Variants in OSBPL10 observed in about 807,000 individuals in gnomAD.
OSBPL10 encodes the protein oxysterol-binding protein-related protein 10.
A neutral mutation model predicts 81.7 loss-of-function variants in OSBPL10; 49 were observed. The ratio of observed to expected loss-of-function variants is 0.60; its 90% CI spans 0.48 to 0.76. The LOEUF (loss-of-function observed/expected upper bound fraction) is 0.76. Among genes scored for constraint, OSBPL10 ranks in the 30% least tolerant of loss-of-function variants. The pLI, the probability that OSBPL10 is intolerant of heterozygous loss-of-function variation, is 0.00. For synonymous variants in OSBPL10, 419 were observed against 383.6 expected (o/e 1.09, Z -1.08); for missense variants, 923 against 987.8 (o/e 0.93, Z 0.88).
In OSBPL10 at chr3:31,910,316, G is replaced by A. The variant is rs150284963; in HGVS notation, c.282-30486C>T. 2.3e-3 allele frequency among the ~76,000 whole-genome samples: 343 copies of A among 152,114 alleles called. 2 individuals carry two copies. The highest frequency in any genetic ancestry group is 7.8e-3 in the African/African-American group (326 of 41,542). On this transcript the variant is annotated intron_variant, in intron 1 of 11. Coordinates refer to ENST00000396556, the MANE Select transcript of OSBPL10 (RefSeq NM_017784.5). Reference sequence around the variant, plus strand: ...TTAAACAGGAGGGACATGGGGTTCAGTAAAGGACAACCTATTGGCAGAATT... The same window carrying A: ...TTAAACAGGAGGGACATGGGGTTCAATAAAGGACAACCTATTGGCAGAATT...
chr3:31,855,836 G>T (rs1222786110), intron 3 of OSBPL10, among the ~76,000 whole-genome samples: 1 of 152,002 alleles, frequency 6.6e-6, no homozygotes, highest in Non-Finnish European at 1.5e-5. Flanking sequence ...ACTAAGAGCT[G>T]TCTACCCTCA....
At chr3:31,795,012 C>T in intron 4 of OSBPL10, 1 of 250,360 alleles carries the variant, frequency 4.0e-6, no homozygotes, top group South Asian at 6.4e-5. Flanking sequence ...ACTTCTTGCC[C>T]AGCTTGGGAT....
intron 2 of OSBPL10, among the ~76,000 whole-genome samples, chr3:32,015,639 A>C (rs1196710755): frequency 1.3e-5 from 2 of 152,340 alleles, no homozygotes; most frequent in East Asian, 3.9e-4. Context: ...ACAGCAAAAG[A>C]AACTACCATC....
chr3:31,963,495 T>C (rs1698227009), intron 1 of OSBPL10, among the ~76,000 whole-genome samples: 2 of 152,162 alleles, frequency 1.3e-5, no homozygotes, highest in African/African-American at 2.4e-5. Context: ...GCAGGAGTGA[T>C]GCACAGATTC....
intron 7 of OSBPL10, among the ~76,000 whole-genome samples, chr3:31,686,145 G>T (rs1218694670): frequency 6.6e-6 from 1 of 152,144 alleles, no homozygotes; most frequent in East Asian, 1.9e-4. Context: ...CCCAGCACAT[G>T]GCCCTCACCA....
chr3:32,057,720 T>A (rs1233652062), intron 1 of OSBPL10, among the ~76,000 whole-genome samples: 1 of 152,196 alleles, frequency 6.6e-6, no homozygotes, highest in African/African-American at 2.4e-5. Flanking sequence ...ATGAGGATTA[T>A]AATTCAAATG....
chr3:31,849,351 T>C (rs1392656084), intron 3 of OSBPL10, among the ~76,000 whole-genome samples: 1 of 152,210 alleles, frequency 6.6e-6, no homozygotes. Context: ...ATTTATAACA[T>C]TTAAAGTAGA....
At chr3:31,952,264 C>T (rs962680574) in intron 1 of OSBPL10, among the ~76,000 whole-genome samples, 2 of 151,632 alleles carry the variant, frequency 1.3e-5, no homozygotes, top group Non-Finnish European at 2.9e-5. Context: ...TGAGGCAAAA[C>T]TATTCAAGTG....
At chr3:31,900,436 C>A (rs1158677439) in intron 1 of OSBPL10, among the ~76,000 whole-genome samples, 2 of 152,154 alleles carry the variant, frequency 1.3e-5, no homozygotes, top group African/African-American at 2.4e-5. Flanking sequence ...GCTGTGCCCA[C>A]TATGACTAAT....
intron 1 of OSBPL10, among the ~76,000 whole-genome samples, chr3:31,888,152 G>A (rs968895822): frequency 6.6e-6 from 1 of 152,182 alleles, no homozygotes; most frequent in Non-Finnish European, 1.5e-5. Flanking sequence ...ACAGAATAGA[G>A]AACTCAGAAA....
At chr3:31,812,113 C>T (rs979136580) in intron 4 of OSBPL10, among the ~76,000 whole-genome samples, 2 of 152,120 alleles carry the variant, frequency 1.3e-5, no homozygotes, top group African/African-American at 2.4e-5. Flanking sequence ...CTGCAACCTC[C>T]GCCTGCCTCC....
chr3:31,982,472 T>C (rs772935815), upstream of OSBPL10, among the ~76,000 whole-genome samples: 1 of 152,106 alleles, frequency 6.6e-6, no homozygotes, highest in Admixed American at 6.5e-5. Context: ...AATTACTAAA[T>C]GGAAAAGTCA....
At chr3:31,908,633 C>T (rs1214446737) in intron 1 of OSBPL10, among the ~76,000 whole-genome samples, 1 of 152,106 alleles carries the variant, frequency 6.6e-6, no homozygotes, top group East Asian at 1.9e-4. Context: ...AACTACTGGA[C>T]AGGAAAAAAC....
At chr3:31,949,482 C>T (rs752565243) in intron 1 of OSBPL10, among the ~76,000 whole-genome samples, 1 of 151,766 alleles carries the variant, frequency 6.6e-6, no homozygotes, top group Non-Finnish European at 1.5e-5. Flanking sequence ...TCCTGGCTAA[C>T]ACGGTGAAAC....
chr3:32,047,608 G>A (rs774748682), intron 1 of OSBPL10, among the ~76,000 whole-genome samples: 6 of 151,920 alleles, frequency 3.9e-5, no homozygotes, highest in African/African-American at 4.8e-5. Flanking sequence ...CACTTTTGTC[G>A]CCATCTTGGT....
intron 8 of OSBPL10, among the ~76,000 whole-genome samples, chr3:31,675,203 G>C (rs1700436152): frequency 6.6e-6 from 1 of 151,968 alleles, no homozygotes; most frequent in Non-Finnish European, 1.5e-5. Context: ...CCCACCTCTT[G>C]CATGTCTAGC....
At chr3:31,999,639 G>T (rs548388726) in intron 2 of OSBPL10, among the ~76,000 whole-genome samples, 1 of 152,148 alleles carries the variant, frequency 6.6e-6, no homozygotes, top group South Asian at 2.1e-4. Flanking sequence ...GGGATTACAG[G>T]TGTGAGCCAC....
chr3:31,892,423 A>G (rs1695918671), intron 1 of OSBPL10, among the ~76,000 whole-genome samples: 1 of 152,230 alleles, frequency 6.6e-6, no homozygotes, highest in Admixed American at 6.5e-5. Flanking sequence ...AAAGTAGGGA[A>G]AGGCCAGGAA....
chr3:31,846,469 C>CA (rs1272784935), intron 3 of OSBPL10, among the ~76,000 whole-genome samples: 1 of 151,734 alleles, frequency 6.6e-6, no homozygotes, highest in Non-Finnish European at 1.5e-5. Context: ...ACTAAAAATA[C>CA]AAAAAAATTA....
Sources: gnomAD v4.1 joint callset for allele counts (sites outside exome capture counted in the v4.1 genomes callset) on GRCh38, gnomAD v4.1.1 for gene constraint, MANE v1.5 for transcripts, NCBI Gene and HGNC (gene_info 2026-07-23, HGNC 2026-07-21) for gene names.